Variants in SLC35D1 observed in about 807,000 individuals in gnomAD.
SLC35D1 encodes the protein solute carrier family 35 member D1.
A neutral mutation model predicts 46.7 loss-of-function variants in SLC35D1; 31 were observed. The ratio of observed to expected loss-of-function variants is 0.66; its 90% CI spans 0.50 to 0.90. SLC35D1 has a LOEUF of 0.90. Ranked by LOEUF, SLC35D1 falls within the 40% of genes least tolerant of loss-of-function variation. The probability of loss-of-function intolerance (pLI) is 0.00; values close to 1 mark genes in which losing one functional copy is unlikely to be tolerated. For synonymous variants in SLC35D1, 195 were observed against 164.6 expected (o/e 1.18, Z -1.41); for missense variants, 397 against 426.2 (o/e 0.93, Z 0.60).
chr1:67,010,917 TG>T (rs35900720), intron 10 of SLC35D1, among the ~76,000 whole-genome samples: 88,110 of 151,972 alleles, frequency 0.58, 27,710 homozygotes, highest in East Asian at 0.84. Context: ...AAATCTACAC[TG>T]ACTGTAGCCA....
chr1:66,981,457 A>G, the SLC35D1 span, among the ~76,000 whole-genome samples: 2 of 151,954 alleles, frequency 1.3e-5, no homozygotes, highest in Non-Finnish European at 2.9e-5. Context: ...ACTAGACATC[A>G]CCCCTATCAC....
chr1:66,985,007 TTTGAA>T, the SLC35D1 span: 1 of 1,426,474 alleles, frequency 7.0e-7, no homozygotes, highest in African/African-American at 1.5e-5. Context: ...AGTTTGAAAA[TTTGAA>T]TTGAGTCTTA....
chr1:67,041,689 T>C (rs1645184077), intron 8 of SLC35D1, among the ~76,000 whole-genome samples: 1 of 152,226 alleles, frequency 6.6e-6, no homozygotes, highest in African/African-American at 2.4e-5. Flanking sequence ...GCTGTATTTA[T>C]TTAGCTAGAC....
rs116535487 is a variant in SLC35D1 at position 67,019,280 on chromosome 1, T to C, written c.876+1089A>G. Among the ~76,000 whole-genome samples the C allele has an allele frequency of 7.2e-3, 1,098 of 152,300 alleles. 5 individuals carry two copies. Among genetic ancestry groups the C allele is most frequent in the Non-Finnish European group, 0.012 (825 of 68,026 alleles). ...AGCCATCCACTTTGCCCTTGAGGCA[T>C]TCACTTTACAAAACCAAAACATACC... On this transcript the variant is annotated intron_variant, in intron 10 of 11. Transcript: ENST00000235345.
the SLC35D1 span, among the ~76,000 whole-genome samples, chr1:66,990,537 G>A: frequency 6.6e-6 from 1 of 152,146 alleles, no homozygotes; most frequent in South Asian, 2.1e-4. Context: ...AAAGTGTTGG[G>A]ATTACAGGTG....
chr1:67,038,973 G>T (rs1366942379), intron 8 of SLC35D1, among the ~76,000 whole-genome samples: 2 of 151,688 alleles, frequency 1.3e-5, no homozygotes, highest in Admixed American at 6.6e-5. Flanking sequence ...AATATATTTC[G>T]TTTTTTTCAT....
chr1:66,984,919 T>A, the SLC35D1 span: 1 of 1,554,570 alleles, frequency 6.4e-7, no homozygotes, highest in Non-Finnish European at 8.6e-7. Context: ...CCTATTTTAC[T>A]TTCTTTGGAG....
At chr1:67,048,557 T>G (rs1356243130) in intron 6 of SLC35D1, among the ~76,000 whole-genome samples, 1 of 152,204 alleles carries the variant, frequency 6.6e-6, no homozygotes, top group East Asian at 1.9e-4. Context: ...GAGATTGGAC[T>G]TGTAAAACAG....
chr1:66,974,426 T>G, the SLC35D1 span, among the ~76,000 whole-genome samples: 12 of 144,614 alleles, frequency 8.3e-5, no homozygotes, highest in African/African-American at 3.2e-4. Context: ...TTGGATGAGG[T>G]TTTTTTTTTG....
intron 10 of SLC35D1, among the ~76,000 whole-genome samples, chr1:67,019,635 T>TATTA (rs1374600060): frequency 1.3e-5 from 2 of 152,140 alleles, no homozygotes; most frequent in Admixed American, 6.5e-5. Context: ...ACAAGGGTAA[T>TATTA]GGCCCTCTTT....
chr1:67,009,729 T>C (rs1382634678), intron 10 of SLC35D1, among the ~76,000 whole-genome samples: 2 of 152,178 alleles, frequency 1.3e-5, no homozygotes, highest in African/African-American at 4.8e-5. Context: ...TATACACTGT[T>C]GGGGGGAATG....
rs1350930012 is a variant in SLC35D1, at chr1:67,009,011, T to C, written c.959+74A>G. On this transcript the variant is annotated intron_variant, in intron 11 of 11. Coordinates refer to ENST00000235345, the MANE Select transcript of SLC35D1 (RefSeq NM_015139.3). ...ATGAATAAATGTTCCATTAATTTAA[T>C]AGCCTAACCTTATTGTGACACTATT... 1.8e-5 allele frequency: 13 copies of C among 729,796 alleles called. 1 individual carries two copies. The highest frequency in any genetic ancestry group is 5.1e-4 in the Middle Eastern group (2 of 3,896). The allele number at this position is 729,796 out of a possible 1,614,324, so 45.2% of individuals were successfully genotyped here. A position where few individuals can be genotyped will look rare whatever the true frequency, so the allele number is the denominator to read the frequency against.
the SLC35D1 span, among the ~76,000 whole-genome samples, chr1:66,983,188 AATGTT>A: frequency 6.6e-6 from 1 of 152,184 alleles, no homozygotes. Context: ...TTTTCATCCC[AATGTT>A]ATATTACTTT....
chr1:67,036,177 G>A (rs868054560), intron 8 of SLC35D1, among the ~76,000 whole-genome samples: 9 of 152,194 alleles, frequency 5.9e-5, no homozygotes, highest in East Asian at 5.8e-4. Context: ...GAAATGTTCC[G>A]TAAATATCTA....
In SLC35D1 at chr1:67,023,958, T is replaced by A. The variant is rs1384277057; in HGVS notation, c.730-2356A>T. 5.3e-5 allele frequency among the ~76,000 whole-genome samples: 8 copies of A among 152,024 alleles called. No homozygotes were observed. In the East Asian group the frequency reaches 1.4e-3, roughly 26 times the overall value. ...CTCACCTTCCATTTTCTTTTTTTTT[T>A]TTTTAAGACAGAGTCTCACTATGTC... is the stretch of plus-strand genomic sequence containing the variant. On this transcript the variant is annotated intron_variant, in intron 8 of 11. Transcript: ENST00000235345.
the SLC35D1 span, among the ~76,000 whole-genome samples, chr1:66,978,520 T>G: frequency 6.6e-6 from 1 of 152,200 alleles, no homozygotes; most frequent in Non-Finnish European, 1.5e-5. Flanking sequence ...TAGTTAATTT[T>G]TTTTCCATTG....
intron 8 of SLC35D1, among the ~76,000 whole-genome samples, chr1:67,030,535 G>T (rs1419064109): frequency 6.6e-6 from 1 of 151,934 alleles, no homozygotes; most frequent in Non-Finnish European, 1.5e-5. Context: ...TGACATGGAG[G>T]GAATCTGGCT....
intron 10 of SLC35D1, among the ~76,000 whole-genome samples, chr1:67,015,764 T>C (rs946983365): frequency 6.6e-6 from 1 of 152,092 alleles, no homozygotes; most frequent in Non-Finnish European, 1.5e-5. Flanking sequence ...ACCTTCTAAA[T>C]AAATTACAAA....
chr1:67,023,486 ATTTT>A (rs35716426), intron 8 of SLC35D1, among the ~76,000 whole-genome samples: 16 of 131,872 alleles, frequency 1.2e-4, no homozygotes, highest in African/African-American at 1.1e-4. Context: ...ATCTTTTGCC[ATTTT>A]TTTTTTTTTT....
Sources: allele counts gnomAD v4.1 joint callset (sites outside exome capture counted in the v4.1 genomes callset), GRCh38; gene constraint gnomAD v4.1.1; transcripts MANE v1.5; gene names NCBI Gene and HGNC (gene_info 2026-07-23, HGNC 2026-07-21).